Variants in FMO4 observed in about 807,000 individuals in gnomAD.
The protein encoded by FMO4 is flavin containing dimethylaniline monoxygenase 4.
In FMO4, 38 loss-of-function variants were observed where a neutral mutation model predicts 43.3. The observed-to-expected ratio is 0.88, with a 90% confidence interval of 0.68 to 1.15. The LOEUF (loss-of-function observed/expected upper bound fraction) is 1.15, where lower values mean the gene tolerates loss of function less well. FMO4 is among the 50% of genes most tolerant of loss of function. The pLI, the probability that FMO4 is intolerant of heterozygous loss-of-function variation, is 0.00. For synonymous variants in FMO4, 224 were observed against 232.2 expected (o/e 0.96, Z 0.32); for missense variants, 631 against 663.3 (o/e 0.95, Z 0.54).
intron 4 of FMO4, among the ~76,000 whole-genome samples, chr1:171,323,433 G>A (rs1662524001): frequency 6.6e-6 from 1 of 152,164 alleles, no homozygotes; most frequent in African/African-American, 2.4e-5. Context: ...GAAGGCCGAG[G>A]CAGGCAGATC....
At chr1:171,332,646 G>T in intron 6 of FMO4, 63 bp from the exon 7 acceptor site, 1 of 1,391,904 alleles carries the variant, frequency 7.2e-7, no homozygotes, top group Non-Finnish European at 1.0e-6. Flanking sequence ...GAAACACACT[G>T]ATGAAAAATA....
chr1:171,329,972 A>C (rs1662830510), intron 5 of FMO4, among the ~76,000 whole-genome samples: 1 of 152,206 alleles, frequency 6.6e-6, no homozygotes, highest in Non-Finnish European at 1.5e-5. Context: ...GTAGTGTATA[A>C]GATGTTTCTT....
chr1:171,324,354 A>T, intron 5 of FMO4, 54 bp downstream of exon 5: 1 of 1,410,724 alleles, frequency 7.1e-7, no homozygotes, highest in Non-Finnish European at 9.6e-7. Flanking sequence ...TTCTAGAAGT[A>T]AACTTATTGA....
At chr1:171,340,463 C>T (rs1663325728) in intron 9 of FMO4, among the ~76,000 whole-genome samples, 2 of 152,152 alleles carry the variant, frequency 1.3e-5, no homozygotes, top group African/African-American at 2.4e-5. Flanking sequence ...CTGTTAGAGT[C>T]GTCACTGTCT....
intron 6 of FMO4, among the ~76,000 whole-genome samples, 157 bp from the exon 7 acceptor site, chr1:171,332,552 T>C (rs1312206236): frequency 6.6e-6 from 1 of 152,146 alleles, no homozygotes; most frequent in Non-Finnish European, 1.5e-5. Flanking sequence ...ATGACAGCAA[T>C]AGGAACAGAT....
In FMO4 at chr1:171,334,647, T is replaced by C. The variant is rs1432420783; in HGVS notation, c.1064T>C (p.Val355Ala). The C allele has an allele frequency of 1.2e-6, 2 of 1,613,678 alleles. No individual in the cohort carries two copies. The highest frequency in any genetic ancestry group is 1.7e-5 in the Admixed American group (1 of 60,010). ...CTKKIFLYKQ[V>A]FPLNLERATL... The stretch of plus-strand genomic sequence containing the variant: ...AAGAAGATATTTCTATACAAGCAAG[T>C]CTTTCCCTTAAACCTAGAGAGAGCG... The change falls in exon 8 of 10, where the codon GTC (valine) becomes GCC (alanine). Residue 355 changes from valine to alanine, a missense_variant. Coordinates refer to ENST00000367749, the MANE Select transcript of FMO4 (RefSeq NM_002022.3).
At chr1:171,324,740 C>T (rs1356627166) in intron 5 of FMO4, among the ~76,000 whole-genome samples, 1 of 151,878 alleles carries the variant, frequency 6.6e-6, no homozygotes, top group Non-Finnish European at 1.5e-5. Context: ...TCAACCTTCT[C>T]TAGAGTTGGA....
intron 3 of FMO4, 76 bp downstream of exon 3, chr1:171,320,033 C>A: frequency 6.5e-7 from 1 of 1,538,916 alleles, no homozygotes; most frequent in Non-Finnish European, 8.9e-7. Flanking sequence ...CTTTAGCCTG[C>A]CTTGGTGATC....
intron 6 of FMO4, among the ~76,000 whole-genome samples, chr1:171,332,114 T>G (rs45505700): frequency 1.3e-5 from 2 of 152,110 alleles, no homozygotes; most frequent in South Asian, 2.1e-4. Context: ...ATCTTTTTTT[T>G]ACACCCTCCC....
chr1:171,324,106 G>A (rs370846132), intron 4 of FMO4, 32 bp from the exon 5 acceptor site: 4 of 1,586,190 alleles, frequency 2.5e-6, no homozygotes, highest in Non-Finnish European at 3.4e-6. Flanking sequence ...AAGGGTGTTA[G>A]TGAGAAGTGA....
chr1:171,334,397 C>G lies in FMO4; in HGVS notation c.828-14C>G, dbSNP rs746595724. On this transcript the variant is annotated splice_polypyrimidine_tract_variant and intron_variant, in intron 7 of 9. Coordinates refer to ENST00000367749, the MANE Select transcript of FMO4 (RefSeq NM_002022.3). ...AAATAACTACAGTGAATAATTTTCT[C>G]CTGTGTGTCAAAGGAAAAAAGCAAA... 1.3e-6 allele frequency: 2 copies of G among 1,487,912 alleles called. No homozygotes were observed. The highest frequency in any genetic ancestry group is 2.6e-5 in the South Asian group (2 of 77,458). 92.2% of individuals were successfully genotyped at this position (1,487,912 alleles called of 1,614,324 possible).
chr1:171,333,898 T>G (rs1205348914), intron 7 of FMO4, among the ~76,000 whole-genome samples: 1 of 152,046 alleles, frequency 6.6e-6, no homozygotes, highest in Non-Finnish European at 1.5e-5. Flanking sequence ...CTTGGCTCAC[T>G]GCCACCTCTG....
At chr1:171,315,777 G>A (rs1359161449) in intron 1 of FMO4, among the ~76,000 whole-genome samples, 1 of 152,154 alleles carries the variant, frequency 6.6e-6, no homozygotes, top group Non-Finnish European at 1.5e-5. Context: ...GAGTCTCTAA[G>A]TCAGTCCTTA....
At chr1:171,317,956 C>T (rs1287349044) in intron 2 of FMO4, among the ~76,000 whole-genome samples, 7 of 152,222 alleles carry the variant, frequency 4.6e-5, no homozygotes, top group South Asian at 4.1e-4. Context: ...AGCATCCCAA[C>T]GGGGTCAAGG....
At chr1:171,341,376 T>C (rs1314363212) in intron 9 of FMO4, 37 bp from the exon 10 acceptor site, 9 of 1,525,398 alleles carry the variant, frequency 5.9e-6, no homozygotes, top group Admixed American at 1.7e-5. Flanking sequence ...AGGGCAGGTG[T>C]GATTAATGAA....
chr1:171,323,847 A>G (rs1220288938), intron 4 of FMO4, among the ~76,000 whole-genome samples: 5 of 152,224 alleles, frequency 3.3e-5, no homozygotes, highest in African/African-American at 1.2e-4. Context: ...ATTTTCCTAA[A>G]TTTCCCAAAA....
In FMO4 at chr1:171,332,718, A is replaced by T. The variant is rs1448734992; in HGVS notation, c.637A>T (p.Ser213Cys). 6.2e-7 allele frequency: 1 copy of T among 1,607,732 alleles called. No homozygotes were observed. Among genetic ancestry groups the T allele is most frequent in the Admixed American group, 1.7e-5 (1 of 59,890 alleles). The change falls in exon 7 of 10, where the codon AGT becomes TGT. Residue 213 changes from serine (S) to cysteine (C), a missense_variant. Transcript: ENST00000367749. Reference sequence around the variant, plus strand: ...TTACTTTACTTTTTAGGTACTTCTCAGTACTAGAACTGGTACCTGGGTTCT... The same window carrying T: ...TTACTTTACTTTTTAGGTACTTCTCTGTACTAGAACTGGTACCTGGGTTCT... ...LSRTAAQVLL[S>C]TRTGTWVLGR...
intron 8 of FMO4, among the ~76,000 whole-genome samples, chr1:171,336,194 G>C (rs45446504): frequency 0.026 from 3,908 of 152,168 alleles, 180 homozygotes; most frequent in African/African-American, 0.089. Flanking sequence ...GGCAGGACTG[G>C]CCAGAATGGG....
intron 9 of FMO4, among the ~76,000 whole-genome samples, chr1:171,340,605 G>A (rs894485068): frequency 6.6e-6 from 1 of 151,994 alleles, no homozygotes; most frequent in Non-Finnish European, 1.5e-5. Flanking sequence ...TTTTAGATGT[G>A]AATTTTTATT....
Sources: gnomAD v4.1 joint callset for allele counts (sites outside exome capture counted in the v4.1 genomes callset) on GRCh38, gnomAD v4.1.1 for gene constraint, MANE v1.5 for transcripts, NCBI Gene and HGNC (gene_info 2026-07-23, HGNC 2026-07-21) for gene names.